Variants in XKR9 observed in about 807,000 individuals in gnomAD.
XKR9 encodes the protein XK related 9, also known as XK-related protein 9.
XKR9 carries 32 observed loss-of-function variants against 32.0 expected under a neutral mutation model. The observed-to-expected ratio is 1.00, with a 90% CI of 0.76 to 1.34. The LOEUF is 1.34. Among genes scored for constraint, XKR9 ranks in the 40% most tolerant of loss-of-function variants. The probability of loss-of-function intolerance (pLI) is 0.00; values close to 1 mark genes in which losing one functional copy is unlikely to be tolerated. For missense variants in XKR9, 546 were observed against 429.7 expected (o/e 1.27, Z -2.39); for synonymous variants, 168 against 143.4 (o/e 1.17, Z -1.22).
chr8:71,025,592 G>C, the XKR9 span, among the ~76,000 whole-genome samples: 2 of 152,176 alleles, frequency 1.3e-5, no homozygotes, highest in African/African-American at 4.8e-5. Context: ...TCTTCTCTCT[G>C]TTGCCTTCTT....
the XKR9 span, among the ~76,000 whole-genome samples, chr8:70,868,548 C>A: frequency 2.6e-5 from 4 of 152,228 alleles, no homozygotes; most frequent in South Asian, 8.3e-4. Context: ...GACTGGGACA[C>A]CAGGGCACCA....
chr8:70,820,369 T>C, the XKR9 span, among the ~76,000 whole-genome samples: 1 of 152,202 alleles, frequency 6.6e-6, no homozygotes. Flanking sequence ...ATTTGGATCA[T>C]GGTCCTGCAA....
At chr8:71,061,290 T>C in the XKR9 span, among the ~76,000 whole-genome samples, 5 of 152,174 alleles carry the variant, frequency 3.3e-5, no homozygotes, top group African/African-American at 1.2e-4. Flanking sequence ...GAAGTGGCCC[T>C]GCCATCATAG....
At chr8:70,818,620 G>A in the XKR9 span, among the ~76,000 whole-genome samples, 32 of 152,244 alleles carry the variant, frequency 2.1e-4, no homozygotes, top group African/African-American at 5.3e-4. Flanking sequence ...GGGGCAAGTC[G>A]CCACATGTAT....
chr8:70,949,325 G>A, the XKR9 span, among the ~76,000 whole-genome samples: 4 of 151,748 alleles, frequency 2.6e-5, no homozygotes, highest in African/African-American at 9.7e-5. Context: ...TTTCTTAACT[G>A]TGTGGATGGT....
chr8:70,807,081 TA>T, the XKR9 span, among the ~76,000 whole-genome samples: 3 of 152,064 alleles, frequency 2.0e-5, no homozygotes, highest in African/African-American at 7.2e-5. Flanking sequence ...GCAGAAACCG[TA>T]CAAGGCAGAA....
intron 2 of XKR9, among the ~76,000 whole-genome samples, chr8:70,751,738 C>T (rs1586883099): frequency 6.6e-6 from 1 of 152,160 alleles, no homozygotes; most frequent in African/African-American, 2.4e-5. Context: ...AGAGTTTTAA[C>T]AAAACCTCCA....
the XKR9 span, among the ~76,000 whole-genome samples, chr8:70,998,547 C>T: frequency 2.6e-5 from 4 of 152,306 alleles, no homozygotes; most frequent in South Asian, 8.3e-4. Context: ...GAGTCAGATG[C>T]AAGCCTCTAA....
chr8:71,045,406 A>T, the XKR9 span, among the ~76,000 whole-genome samples: 1 of 152,196 alleles, frequency 6.6e-6, no homozygotes, highest in Admixed American at 6.5e-5. Flanking sequence ...TGGCAGGTTC[A>T]TGTGTGTGGC....
the XKR9 span, among the ~76,000 whole-genome samples, chr8:70,990,218 G>A: frequency 1.3e-5 from 2 of 152,104 alleles, no homozygotes; most frequent in African/African-American, 4.8e-5. Flanking sequence ...TTTATAAACT[G>A]TCAATTGCTA....
At chr8:70,754,575 G>A (rs1231969729) in intron 2 of XKR9, among the ~76,000 whole-genome samples, 7 of 150,252 alleles carry the variant, frequency 4.7e-5, no homozygotes, top group East Asian at 3.9e-4. Context: ...ATATAGATCA[G>A]TGGAACAGAA....
rs967584091 is a variant in XKR9 at position 70,772,850 on chromosome 8, G to T, written n.353-16489G>T. On this transcript the variant is annotated intron_variant and non_coding_transcript_variant, in intron 2 of 3. Coordinates refer to the XKR9 transcript ENST00000520273. ...TGTCTTCCCAATTTTCTAGTTAGGT[G>T]TAAAGTAAAGGGGAGTGTTTGGTAT... Among the ~76,000 whole-genome samples the T allele has an allele frequency of 9.9e-5, 15 of 152,260 alleles. 1 individual carries two copies. In the South Asian group the frequency reaches 2.5e-3, roughly 25 times the overall value.
chr8:70,987,462 C>A, the XKR9 span, among the ~76,000 whole-genome samples: 1 of 152,250 alleles, frequency 6.6e-6, no homozygotes, highest in Non-Finnish European at 1.5e-5. Flanking sequence ...CAAAATCCAG[C>A]AGGGCAGTCA....
chr8:70,799,736 G>A, the XKR9 span, among the ~76,000 whole-genome samples: 3 of 152,272 alleles, frequency 2.0e-5, no homozygotes, highest in Admixed American at 2.0e-4. Context: ...TGCTGGAGTT[G>A]TTTATCAGCT....
chr8:70,988,951 ATACCCTCAAGGT>A, the XKR9 span, among the ~76,000 whole-genome samples: 14 of 152,188 alleles, frequency 9.2e-5, no homozygotes, highest in Admixed American at 7.2e-4. Context: ...ACTTAGCATA[ATACCCTCAAGGT>A]TCATCCATAT....
the XKR9 span, among the ~76,000 whole-genome samples, chr8:71,016,069 C>G: frequency 6.7e-6 from 1 of 150,230 alleles, no homozygotes; most frequent in South Asian, 2.1e-4. Context: ...ATTTTCCCCC[C>G]CGGTATTACT....
chr8:71,031,023 C>T, the XKR9 span, among the ~76,000 whole-genome samples: 1 of 152,260 alleles, frequency 6.6e-6, no homozygotes, highest in East Asian at 1.9e-4. Context: ...CCTCCTCCTT[C>T]TTCTTTTCTT....
At position 70,671,919 on chromosome 8, in the gene XKR9, C is replaced by T. The variant is rs1329991780; in HGVS notation, c.-361+2381C>T. Among the ~76,000 whole-genome samples, 12 of 76,408 alleles carry T rather than the reference C, an allele frequency of 1.6e-4. 2 individuals carry two copies. The highest frequency in any genetic ancestry group is 4.7e-4 in the African/African-American group (12 of 25,334). 50.1% of individuals were successfully genotyped at this position (76,408 alleles called of 152,430 possible). A position where few individuals can be genotyped will look rare whatever the true frequency, so the allele number is the denominator to read the frequency against. On this transcript the variant is annotated intron_variant, in intron 1 of 4. Transcript: ENST00000408926. ...CAAAAATCACAAGCATTCTTATACA[C>T]CAACAACAGACAAACAGAGAGCCAA... is the stretch of plus-strand genomic sequence containing the variant.
the XKR9 span, among the ~76,000 whole-genome samples, chr8:70,897,642 C>A: frequency 0.14 from 20,686 of 152,110 alleles, 1,891 homozygotes; most frequent in African/African-American, 0.26. Context: ...ACTTTGAGCA[C>A]CTTTTCATAT....
Sources: allele counts gnomAD v4.1 joint callset (sites outside exome capture counted in the v4.1 genomes callset), GRCh38; gene constraint gnomAD v4.1.1; transcripts MANE v1.5; gene names NCBI Gene and HGNC (gene_info 2026-07-23, HGNC 2026-07-21).